The following TRHR variants were observed in gnomAD, a reference collection of about 807,000 sequenced individuals.
TRHR encodes the protein thyrotropin releasing hormone receptor, also known as thyrotropin-releasing hormone receptor.
A neutral mutation model predicts 28.0 loss-of-function variants in TRHR; 14 were observed. That is an observed-to-expected ratio of 0.50 (90% confidence interval 0.33 to 0.78). TRHR has a LOEUF of 0.78. Among genes scored for constraint, TRHR ranks in the 30% least tolerant of loss-of-function variants. TRHR has a pLI of 0.02. For synonymous variants in TRHR, 176 were observed against 171.9 expected (o/e 1.02, Z -0.18); for missense variants, 438 against 469.5 (o/e 0.93, Z 0.62).
chr8:109,117,993 C>T (rs1409043261), intron 2 of TRHR, among the ~76,000 whole-genome samples: 1 of 151,942 alleles, frequency 6.6e-6, no homozygotes, highest in Non-Finnish European at 1.5e-5. Flanking sequence ...ATATTGACCT[C>T]ATCCTACCTA....
At chr8:109,117,348 T>C (rs1437238192) in intron 2 of TRHR, among the ~76,000 whole-genome samples, 1 of 151,908 alleles carries the variant, frequency 6.6e-6, no homozygotes, top group African/African-American at 2.4e-5. Context: ...TAAACCTCAA[T>C]TTCTTCACAT....
At chr8:109,118,308 A>G (rs1162359969) in intron 2 of TRHR, among the ~76,000 whole-genome samples, 1 of 151,996 alleles carries the variant, frequency 6.6e-6, no homozygotes, top group Non-Finnish European at 1.5e-5. Flanking sequence ...GGCACATAGC[A>G]GTCACTAAAC....
At position 109,087,530 on chromosome 8, in the gene TRHR, C is replaced by A. The variant is rs1018583124; in HGVS notation, c.18C>A (p.Val6=). The part of the protein sequence containing the change: MENET[V]SELNQTQLQP... ...TTCTAAAGATGGAAAACGAGACAGT[C>A]AGTGAACTGAACCAAACACAGCTTC... Residue 6 remains valine (V), a synonymous_variant, in exon 2 of 3, where the codon GTC becomes GTA. Coordinates refer to ENST00000518632, the MANE Select transcript of TRHR (RefSeq NM_003301.7). 6.2e-7 allele frequency: 1 copy of A among 1,614,192 alleles called. No individual in the cohort carries two copies. Among genetic ancestry groups the A allele is most frequent in the Admixed American group, 1.7e-5 (1 of 60,024 alleles).
intron 2 of TRHR, among the ~76,000 whole-genome samples, chr8:109,114,671 A>G (rs1811891448): frequency 6.6e-6 from 1 of 152,096 alleles, no homozygotes; most frequent in South Asian, 2.1e-4. Context: ...ATTGTCACAC[A>G]TACTTAATCT....
At chr8:109,114,572 A>G (rs889127816) in intron 2 of TRHR, among the ~76,000 whole-genome samples, 4 of 152,118 alleles carry the variant, frequency 2.6e-5, no homozygotes, top group Non-Finnish European at 5.9e-5. Flanking sequence ...AGAAAAAGAG[A>G]TAGTGTTACT....
intron 2 of TRHR, among the ~76,000 whole-genome samples, chr8:109,114,863 G>A (rs1003539751): frequency 2.0e-5 from 3 of 151,998 alleles, no homozygotes; most frequent in Non-Finnish European, 4.4e-5. Flanking sequence ...GTACATGATT[G>A]CATTGCCATG....
chr8:109,099,749 C>G (rs534684450), intron 2 of TRHR, among the ~76,000 whole-genome samples: 1 of 152,292 alleles, frequency 6.6e-6, no homozygotes, highest in South Asian at 2.1e-4. Flanking sequence ...TGCAACCTTT[C>G]ATAAACAACA....
At chr8:109,107,820 C>T (rs1471005833) in intron 2 of TRHR, among the ~76,000 whole-genome samples, 1 of 152,052 alleles carries the variant, frequency 6.6e-6, no homozygotes, top group East Asian at 1.9e-4. Context: ...GTAATGAATC[C>T]TCATGCATAT....
chr8:109,101,809 G>C (rs1231090885), intron 2 of TRHR, among the ~76,000 whole-genome samples: 1 of 152,140 alleles, frequency 6.6e-6, no homozygotes, highest in East Asian at 1.9e-4. Flanking sequence ...TTAGTATAGA[G>C]ATGGTTTGTT....
Position 109,116,942 on chromosome 8 carries a change from G to A in TRHR, c.790-2106G>A, listed in dbSNP as rs148578484. Among the ~76,000 whole-genome samples, 727 of 152,106 alleles carry A rather than the reference G, an allele frequency of 4.8e-3. 2 individuals are homozygous for A. The highest frequency in any genetic ancestry group is 7.9e-3 in the Non-Finnish European group (537 of 67,954). On this transcript the variant is annotated intron_variant, in intron 2 of 2. Transcript: ENST00000518632. ...CCTGGAGGCGCTGTGGAAATGCACA[G>A]GAGAGATACTAACCTTGAAACAGGT...
At chr8:109,110,620 T>A (rs1000528587) in intron 2 of TRHR, among the ~76,000 whole-genome samples, 1 of 152,188 alleles carries the variant, frequency 6.6e-6, no homozygotes, top group Non-Finnish European at 1.5e-5. Context: ...CAAGAACCTA[T>A]GCATTAGCAT....
At chr8:109,109,490 C>A (rs1465438319) in intron 2 of TRHR, among the ~76,000 whole-genome samples, 1 of 151,418 alleles carries the variant, frequency 6.6e-6, no homozygotes, top group Non-Finnish European at 1.5e-5. Flanking sequence ...AAGCACCATG[C>A]CTGGTGCATA....
In TRHR at chr8:109,119,309, G is replaced by A. The variant is rs753093711; in HGVS notation, c.1051G>A (p.Ala351Thr). Reference protein sequence around the residue: ...PTEKPANYSVALNYSVIKESD... With the variant: ...PTEKPANYSVTLNYSVIKESD... ...AGAGAAACCTGCTAACTACAGTGTG[G>A]CCCTAAATTACAGCGTCATCAAGGA... The change falls in exon 3 of 3, where the codon GCC becomes ACC. Residue 351 changes from alanine to threonine, a missense_variant. Ala to Thr is a moderately conservative substitution (Grantham distance 58). Transcript: ENST00000518632. The A allele has an allele frequency of 7.4e-6, 12 of 1,612,412 alleles. No individual in the cohort carries two copies. The highest frequency in any genetic ancestry group is 1.0e-5 in the Non-Finnish European group (12 of 1,179,148).
intron 2 of TRHR, among the ~76,000 whole-genome samples, chr8:109,088,645 A>G (rs1261403732): frequency 6.6e-6 from 1 of 152,236 alleles, no homozygotes; most frequent in African/African-American, 2.4e-5. Context: ...TTCTGTAGGA[A>G]ATAATTCTAT....
At position 109,117,476 on chromosome 8, in the gene TRHR, T is replaced by C. The variant is rs1044697553; in HGVS notation, c.790-1572T>C. On this transcript the variant is annotated intron_variant, in intron 2 of 2. Transcript: ENST00000518632. The stretch of plus-strand genomic sequence containing the variant: ...ATCTTAAAGGACTAAAATGTGATGG[T>C]ATAGATCTAATTGTAAATTAAACTA... Among the ~76,000 whole-genome samples, 4 of 151,926 alleles carry C rather than the reference T, an allele frequency of 2.6e-5. 1 individual carries two copies. Among genetic ancestry groups the C allele is most frequent in the South Asian group, 4.1e-4 (2 of 4,826 alleles).
intron 2 of TRHR, among the ~76,000 whole-genome samples, chr8:109,111,146 C>T (rs1313500618): frequency 6.6e-6 from 1 of 151,872 alleles, no homozygotes; most frequent in Non-Finnish European, 1.5e-5. Flanking sequence ...AGTAAAACTC[C>T]ATCTCAAAAA....
At chr8:109,106,217 A>C (rs1315811844) in intron 2 of TRHR, among the ~76,000 whole-genome samples, 1 of 152,116 alleles carries the variant, frequency 6.6e-6, no homozygotes, top group African/African-American at 2.4e-5. Context: ...TTATAATCTA[A>C]AGATACAGAG....
At chr8:109,096,344 G>T (rs1389683988) in intron 2 of TRHR, among the ~76,000 whole-genome samples, 2 of 152,196 alleles carry the variant, frequency 1.3e-5, no homozygotes, top group Non-Finnish European at 2.9e-5. Flanking sequence ...TTATATAGCT[G>T]CATTCCTAAC....
intron 2 of TRHR, among the ~76,000 whole-genome samples, chr8:109,093,383 AC>A (rs1811542447): frequency 1.7e-5 from 2 of 118,154 alleles, no homozygotes; most frequent in Non-Finnish European, 3.4e-5. Context: ...TCCAACTCCT[AC>A]CTCTAGTGCT....
Sources: allele counts gnomAD v4.1 joint callset (sites outside exome capture counted in the v4.1 genomes callset), GRCh38; gene constraint gnomAD v4.1.1; transcripts MANE v1.5; gene names NCBI Gene and HGNC (gene_info 2026-07-23, HGNC 2026-07-21).